Variants in NUCKS1 observed in about 807,000 individuals in gnomAD.
NUCKS1 encodes nuclear ubiquitous casein and cyclin-dependent kinase substrate 1.
A neutral mutation model predicts 33.0 loss-of-function variants in NUCKS1; 2 were observed. That is an observed-to-expected ratio of 0.06 (90% CI 0.02 to 0.19). The LOEUF is 0.19. NUCKS1 is among the 10% of genes least tolerant of loss of function. The probability of loss-of-function intolerance (pLI) is 1.00; values close to 1 mark genes in which losing one functional copy is unlikely to be tolerated. For synonymous variants in NUCKS1, 106 were observed against 102.8 expected, an observed-to-expected ratio of 1.03 and a Z score of -0.19; for missense variants, 201 against 293.6, an observed-to-expected ratio of 0.68 and a Z score of 2.31.
chr1:205,717,129 C>T lies in NUCKS1; in HGVS notation c.*1151G>A, dbSNP rs1157019218. 2.9e-5 allele frequency: 6 copies of T among 206,106 alleles called. No homozygotes were observed. The highest frequency in any genetic ancestry group is 5.1e-5 in the Non-Finnish European group (6 of 117,426). 12.8% of individuals were successfully genotyped at this position (206,106 alleles called of 1,614,324 possible). A position where few individuals can be genotyped will look rare whatever the true frequency, so the allele number is the denominator to read the frequency against. On this transcript the variant is annotated 3_prime_UTR_variant, in exon 7 of 7. Coordinates refer to ENST00000367142, the MANE Select transcript of NUCKS1 (RefSeq NM_022731.5). Reference sequence around the variant, plus strand: ...AGGATCACAGGGATGTACTTCTTATCACATTTCTATGAAGAAATGGGAAGA... The same window carrying T: ...AGGATCACAGGGATGTACTTCTTATTACATTTCTATGAAGAAATGGGAAGA...
intron 1 of NUCKS1, among the ~76,000 whole-genome samples, chr1:205,744,812 A>G (rs1026379922): frequency 3.2e-4 from 49 of 151,948 alleles, no homozygotes; most frequent in African/African-American, 1.2e-3. Context: ...TTGTATTTTC[A>G]GTAGAGACGG....
intron 1 of NUCKS1, among the ~76,000 whole-genome samples, chr1:205,738,409 G>C (rs1023968722): frequency 3.3e-5 from 5 of 151,590 alleles, no homozygotes; most frequent in Admixed American, 3.3e-4. Context: ...GAGTACCCAG[G>C]ACTAGAGGTG....
rs78311899 is a variant in NUCKS1 at position 205,718,085 on chromosome 1, TAAAA to T, written c.*191_*194del. 203 of 1,020,090 alleles carry T rather than the reference TAAAA, an allele frequency of 2.0e-4. No individual in the cohort carries two copies. Among genetic ancestry groups the T allele is most frequent in the Middle Eastern group, 4.3e-4 (1 of 2,308 alleles). 63.2% of individuals were successfully genotyped at this position (1,020,090 alleles called of 1,614,324 possible). A position where few individuals can be genotyped will look rare whatever the true frequency, so the allele number is the denominator to read the frequency against. On this transcript the variant is annotated 3_prime_UTR_variant, in exon 7 of 7. Coordinates refer to ENST00000367142, the MANE Select transcript of NUCKS1 (RefSeq NM_022731.5). ...CACTTACACATACAATGGTTTGCTT[TAAAA>T]AAAAAAAAAAAAAAAGAGAGAGAGA...
At chr1:205,740,828 T>C (rs1183686278) in intron 1 of NUCKS1, among the ~76,000 whole-genome samples, 1 of 150,036 alleles carries the variant, frequency 6.7e-6, no homozygotes, top group Non-Finnish European at 1.5e-5. Flanking sequence ...TAAGTATATA[T>C]ATATATATAT....
chr1:205,720,178 C>T (rs150053700), intron 5 of NUCKS1, among the ~76,000 whole-genome samples: 1 of 152,126 alleles, frequency 6.6e-6, no homozygotes, highest in Non-Finnish European at 1.5e-5. Context: ...AGGTCTACAA[C>T]CTCCTCCACC....
chr1:205,750,096 C>G lies in NUCKS1; in HGVS notation c.-123G>C. ...GGGACCGCTGCTGCCGAACCCCGAG[C>G]TGCTGGCTTCTCAAACTCCGCTGCT... On this transcript the variant is annotated 5_prime_UTR_variant, in exon 1 of 7. Coordinates refer to ENST00000367142, the MANE Select transcript of NUCKS1 (RefSeq NM_022731.5). The G allele has an allele frequency of 9.5e-7, 1 of 1,047,884 alleles. No homozygotes were observed. Among genetic ancestry groups the G allele is most frequent in the Non-Finnish European group, 1.4e-6 (1 of 714,190 alleles). 64.9% of individuals were successfully genotyped at this position (1,047,884 alleles called of 1,614,324 possible).
rs143733260 is a variant in NUCKS1 at position 205,736,367 on chromosome 1, C to T, written c.18-6746G>A. 4.0e-3 allele frequency among the ~76,000 whole-genome samples: 609 copies of T among 152,122 alleles called. 6 individuals carry two copies. Among genetic ancestry groups the T allele is most frequent in the African/African-American group, 0.014 (578 of 41,482 alleles). On this transcript the variant is annotated intron_variant, in intron 1 of 6. Coordinates refer to ENST00000367142, the MANE Select transcript of NUCKS1 (RefSeq NM_022731.5). ...ATAAAACCTATCAAAGTCTGATGGT[C>T]GTGGGGGTGGGAGATATGGTGGTGC...
intron 1 of NUCKS1, among the ~76,000 whole-genome samples, chr1:205,740,996 A>G (rs1654153322): frequency 6.6e-6 from 1 of 151,926 alleles, no homozygotes; most frequent in Admixed American, 6.6e-5. Context: ...ATATAGGAAA[A>G]TGTTTTCTTT....
chr1:205,718,391 T>C lies in NUCKS1; in HGVS notation c.621A>G (p.Glu207=), dbSNP rs1671866226. ...ASKEKTPSPK[E]EDEEPESPPE... is the part of the protein sequence containing the mutation. ...GCGGGCTTTCCGGTTCCTCATCTTC[T>C]TCTTTGGGAGAAGGAGTCTTTTCCT... The change falls in exon 7 of 7, where the codon GAA becomes GAG. Residue 207 remains glutamate, a synonymous_variant. Transcript: ENST00000367142. The C allele has an allele frequency of 6.2e-7, 1 of 1,613,576 alleles. No homozygotes were observed. The highest frequency in any genetic ancestry group is 8.5e-7 in the Non-Finnish European group (1 of 1,180,012).
At chr1:205,741,063 CCGAGG>C in intron 1 of NUCKS1, among the ~76,000 whole-genome samples, 1 of 151,552 alleles carries the variant, frequency 6.6e-6, no homozygotes, top group Admixed American at 6.6e-5. Context: ...CCTCAGGAGG[CCGAGG>C]CGGGCGGATC....
chr1:205,727,939 T>C, intron 2 of NUCKS1, 134 bp from the exon 3 acceptor site: 6 of 680,694 alleles, frequency 8.8e-6, no homozygotes, highest in Non-Finnish European at 1.5e-5. Flanking sequence ...GTTTCTTTCA[T>C]CTTTAAAAAA....
chr1:205,738,689 A>C (rs1654092622), intron 1 of NUCKS1, among the ~76,000 whole-genome samples: 1 of 152,078 alleles, frequency 6.6e-6, no homozygotes, highest in African/African-American at 2.4e-5. Context: ...TTCAGCCCAT[A>C]AATTCAAGAT....
rs1431370933 is a variant in NUCKS1 at position 205,715,176 on chromosome 1, T to C, written c.*3104A>G. On this transcript the variant is annotated 3_prime_UTR_variant, in exon 7 of 7. Transcript: ENST00000367142. ...ACTGGAGTATAACCTCAAATTTCAC[T>C]CTTGATTTGTTATCTGTAAGAAAAT... 6.6e-6 allele frequency: 1 copy of C among 152,208 alleles called. No individual in the cohort carries two copies. The highest frequency in any genetic ancestry group is 3.2e-3 in the Middle Eastern group (1 of 314). 9.4% of individuals were successfully genotyped at this position (152,208 alleles called of 1,614,324 possible).
intron 3 of NUCKS1, 102 bp downstream of exon 3, chr1:205,727,597 CT>C (rs1168896393): frequency 1.9e-5 from 15 of 792,394 alleles, no homozygotes; most frequent in Non-Finnish European, 3.1e-5. Context: ...ACAGTAAGTA[CT>C]TTTCAAAAGT....
rs917310791 is a variant in NUCKS1, at chr1:205,713,371, T to C, written c.*4909A>G. 6.6e-6 allele frequency: 1 copy of C among 152,034 alleles called. No individual in the cohort carries two copies. The highest frequency in any genetic ancestry group is 2.4e-5 in the African/African-American group (1 of 41,376). 9.4% of individuals were successfully genotyped at this position (152,034 alleles called of 1,614,324 possible). A position where few individuals can be genotyped will look rare whatever the true frequency, so the allele number is the denominator to read the frequency against. ...AGGCTTCTTTTTCTTATTTTTTTAA[T>C]ACAAAATACAAGCAAAGGATACACA... On this transcript the variant is annotated 3_prime_UTR_variant, in exon 7 of 7. Coordinates refer to ENST00000367142, the MANE Select transcript of NUCKS1 (RefSeq NM_022731.5).
Position 205,750,018 on chromosome 1 carries a change from ACCCC to A in NUCKS1, c.-49_-46del. 2.1e-6 allele frequency: 2 copies of A among 964,060 alleles called. No individual in the cohort carries two copies. The highest frequency in any genetic ancestry group is 2.9e-6 in the Non-Finnish European group (2 of 684,558). The allele number at this position is 964,060 out of a possible 1,614,324, so 59.7% of individuals were successfully genotyped here. A position where few individuals can be genotyped will look rare whatever the true frequency, so the allele number is the denominator to read the frequency against. ...CCGAGTCGAGAAGCCAAAGACCAGG[ACCCC>A]CCCCACCCCGCGCGCTCGGCGCCCC... On this transcript the variant is annotated 5_prime_UTR_variant, in exon 1 of 7. Transcript: ENST00000367142.
intron 4 of NUCKS1, among the ~76,000 whole-genome samples, chr1:205,721,232 C>T (rs1296184608): frequency 1.3e-5 from 2 of 151,248 alleles, no homozygotes; most frequent in South Asian, 2.1e-4. Context: ...CACACATTTA[C>T]GTATGTAACA....
At chr1:205,745,132 T>C (rs996849151) in intron 1 of NUCKS1, among the ~76,000 whole-genome samples, 3 of 152,222 alleles carry the variant, frequency 2.0e-5, no homozygotes, top group Non-Finnish European at 4.4e-5. Flanking sequence ...ATACTGTATA[T>C]ACAAATAGTA....
intron 1 of NUCKS1, among the ~76,000 whole-genome samples, chr1:205,733,155 ATAT>A (rs1558053236): frequency 6.6e-6 from 1 of 152,206 alleles, no homozygotes; most frequent in African/African-American, 2.4e-5. Flanking sequence ...GGCAACTAAC[ATAT>A]TATTACCCCA....
Sources: gnomAD v4.1 joint callset for allele counts (sites outside exome capture counted in the v4.1 genomes callset) on GRCh38, gnomAD v4.1.1 for gene constraint, MANE v1.5 for transcripts, NCBI Gene and HGNC (gene_info 2026-07-23, HGNC 2026-07-21) for gene names.